Variants in FAS observed in about 807,000 individuals in gnomAD.
The protein encoded by FAS is tumor necrosis factor receptor superfamily member 6.
Under a neutral mutation model 33.2 loss-of-function variants are expected in FAS, and 5 were observed. The observed-to-expected ratio is 0.15, with a 90% CI of 0.08 to 0.32. The LOEUF (loss-of-function observed/expected upper bound fraction) is 0.32. Ranked by LOEUF, FAS falls within the 10% of genes least tolerant of loss-of-function variation. The pLI, the probability that FAS is intolerant of heterozygous loss-of-function variation, is 1.00. For missense variants in FAS, 339 were observed against 386.0 expected (o/e 0.88, Z 1.02); for synonymous variants, 131 against 130.7 (o/e 1.00, Z -0.01).
chr10:88,995,086 A>G lies in FAS; in HGVS notation c.30+4180A>G, dbSNP rs1042904630. Reference sequence around the variant, plus strand: ...CTTAGTGTGTAGTTTTCTTTTTGCTATGTATGTATATATATATTCATAAAA... The same window carrying G: ...CTTAGTGTGTAGTTTTCTTTTTGCTGTGTATGTATATATATATTCATAAAA... On this transcript the variant is annotated intron_variant, in intron 1 of 8. Coordinates refer to ENST00000652046, the MANE Select transcript of FAS (RefSeq NM_000043.6). Among the ~76,000 whole-genome samples, 5 of 98,390 alleles carry G rather than the reference A, an allele frequency of 5.1e-5. No individual in the cohort carries two copies. In the East Asian group the frequency reaches 1.2e-3, roughly 25 times the overall value. The allele number at this position is 98,390 out of a possible 152,430, so 64.5% of individuals were successfully genotyped here. A position where few individuals can be genotyped will look rare whatever the true frequency, so the allele number is the denominator to read the frequency against.
intron 8 of FAS, 24 bp downstream of exon 8, chr10:89,013,391 C>A: frequency 6.2e-7 from 1 of 1,609,208 alleles, no homozygotes; most frequent in South Asian, 1.1e-5. Context: ...CATTTTATTT[C>A]ATAGAGATGG....
chr10:88,968,828 T>C (rs932387086), intron 1 of FAS, among the ~76,000 whole-genome samples: 2 of 152,182 alleles, frequency 1.3e-5, no homozygotes, highest in Non-Finnish European at 2.9e-5. Context: ...ATTCTGCAGG[T>C]CCCTTATACC....
chr10:88,991,223 G>A, intron 1 of FAS: 1 of 539,614 alleles, frequency 1.9e-6, no homozygotes, highest in South Asian at 2.0e-5. Context: ...GTGGGCGTGG[G>A]GTGCGGACAG....
At position 89,015,572 on chromosome 10, in the gene FAS, C is replaced by T. The variant is rs1488696014; in HGVS notation, c.*1122C>T. 4 of 524,882 alleles carry T rather than the reference C, an allele frequency of 7.6e-6. No homozygotes were observed. The highest frequency in any genetic ancestry group is 4.6e-5 in the Admixed American group (2 of 43,516). 32.5% of individuals were successfully genotyped at this position (524,882 alleles called of 1,614,324 possible). The stretch of plus-strand genomic sequence containing the variant: ...ATTTAAGATTCTCCTTACTACTATC[C>T]TACGTTTAAATATCTTTGAAAGTTT... On this transcript the variant is annotated 3_prime_UTR_variant, in exon 9 of 9. Coordinates refer to ENST00000652046, the MANE Select transcript of FAS (RefSeq NM_000043.6).
At chr10:88,989,274 C>T (rs1847025157), upstream of FAS, among the ~76,000 whole-genome samples, 1 of 151,978 alleles carries the variant, frequency 6.6e-6, no homozygotes, top group African/African-American at 2.4e-5. Context: ...TTCTCTCTTC[C>T]CTCCTTCCAT....
At chr10:89,013,896 A>G (rs188621730) in intron 8 of FAS, among the ~76,000 whole-genome samples, 1 of 152,326 alleles carries the variant, frequency 6.6e-6, no homozygotes, top group Non-Finnish European at 1.5e-5. Flanking sequence ...CAGAAATGTT[A>G]TGTATTGTGG....
intron 2 of FAS, among the ~76,000 whole-genome samples, chr10:88,975,645 T>TC (rs1477074222): frequency 6.6e-6 from 1 of 152,080 alleles, no homozygotes; most frequent in African/African-American, 2.4e-5. Flanking sequence ...GAGTAGGATT[T>TC]TTTTTTTTCA....
chr10:88,999,162 A>AAAAG, intron 1 of FAS, among the ~76,000 whole-genome samples: 1 of 118,658 alleles, frequency 8.4e-6, no homozygotes, highest in Non-Finnish European at 1.9e-5. Flanking sequence ...CAAAAAAATA[A>AAAAG]ATAAATAAAT....
chr10:89,014,828 A>T lies in FAS; in HGVS notation c.*378A>T. 1.8e-6 allele frequency: 1 copy of T among 543,506 alleles called. No individual in the cohort carries two copies. 33.7% of individuals were successfully genotyped at this position (543,506 alleles called of 1,614,324 possible). A position where few individuals can be genotyped will look rare whatever the true frequency, so the allele number is the denominator to read the frequency against. ...CTAACCCCACTCTATGAATCAATAG[A>T]AGAAGCTATGACCTTTTGCTGAAAT... On this transcript the variant is annotated 3_prime_UTR_variant, in exon 9 of 9. Transcript: ENST00000652046.
chr10:88,995,356 G>A (rs1847523821), intron 1 of FAS, among the ~76,000 whole-genome samples: 1 of 152,110 alleles, frequency 6.6e-6, no homozygotes. Flanking sequence ...CACCTTCCCC[G>A]GAAGGAAATG....
rs181225729 is a variant in FAS at position 89,015,428 on chromosome 10, C to T, written c.*978C>T. The T allele has an allele frequency of 1.6e-4, 83 of 531,580 alleles. No individual in the cohort carries two copies. The highest frequency in any genetic ancestry group is 1.2e-3 in the African/African-American group (66 of 53,818). 32.9% of individuals were successfully genotyped at this position (531,580 alleles called of 1,614,324 possible). On this transcript the variant is annotated 3_prime_UTR_variant, in exon 9 of 9. Coordinates refer to ENST00000652046, the MANE Select transcript of FAS (RefSeq NM_000043.6). ...TAGATTCTTATTTTTCCCCCACCCC[C>T]GAAAATGTTCAATAATGTCCCATGT...
chr10:88,971,058 GATGGCACAAATA>G (rs1173524886), intron 1 of FAS, among the ~76,000 whole-genome samples: 15 of 152,180 alleles, frequency 9.9e-5, no homozygotes, highest in Non-Finnish European at 2.2e-4. Context: ...ATGATCTACA[GATGGCACAAATA>G]ATAGACATTT....
chr10:89,002,420 A>T (rs558845423), intron 1 of FAS, among the ~76,000 whole-genome samples: 1 of 152,182 alleles, frequency 6.6e-6, no homozygotes, highest in Non-Finnish European at 1.5e-5. Context: ...TATATCAAGG[A>T]GGGCAGGGCA....
chr10:88,969,685 A>G (rs899543483), intron 1 of FAS, among the ~76,000 whole-genome samples: 4 of 152,102 alleles, frequency 2.6e-5, no homozygotes, highest in Non-Finnish European at 4.4e-5. Flanking sequence ...CCTCCCAACT[A>G]TATCTTTTCA....
upstream of FAS, among the ~76,000 whole-genome samples, chr10:88,986,806 G>A (rs1246183435): frequency 6.6e-6 from 1 of 152,172 alleles, no homozygotes; most frequent in East Asian, 1.9e-4. Flanking sequence ...AAAAGTGGTT[G>A]TAAGCCATTT....
At chr10:88,991,165 G>A (rs1847175598) in intron 1 of FAS, 1 of 590,782 alleles carries the variant, frequency 1.7e-6, no homozygotes. Context: ...CGCTGGGCAG[G>A]CGGGGCAGCT....
intron 1 of FAS, among the ~76,000 whole-genome samples, chr10:88,997,091 A>C (rs1047679986): frequency 6.6e-6 from 1 of 152,210 alleles, no homozygotes; most frequent in Non-Finnish European, 1.5e-5. Flanking sequence ...TTAGTCTATA[A>C]AACTCTTATA....
chr10:89,008,392 C>T (rs895309793), intron 3 of FAS, among the ~76,000 whole-genome samples: 2 of 152,184 alleles, frequency 1.3e-5, no homozygotes, highest in Non-Finnish European at 2.9e-5. Flanking sequence ...TTTCCCATCC[C>T]TATTCAGCCT....
intron 1 of FAS, chr10:88,973,079 C>CA (rs1488303550): frequency 6.0e-6 from 8 of 1,331,560 alleles, no homozygotes; most frequent in Non-Finnish European, 8.1e-6. Flanking sequence ...CTTAGTCTTT[C>CA]AAAAAATAAT....
Sources: allele counts gnomAD v4.1 joint callset (sites outside exome capture counted in the v4.1 genomes callset), GRCh38; gene constraint gnomAD v4.1.1; transcripts MANE v1.5; gene names NCBI Gene and HGNC (gene_info 2026-07-23, HGNC 2026-07-21).